The following ANK3 variants were observed in gnomAD, a reference collection of about 807,000 sequenced individuals.
The protein encoded by ANK3 is ankyrin 3, also known as ankyrin-3.
In ANK3, 57 loss-of-function variants were observed where a neutral mutation model predicts 370.9. That is an observed-to-expected ratio of 0.15 (90% CI 0.12 to 0.19). ANK3 has a LOEUF of 0.19. ANK3 is among the 10% of genes least tolerant of loss of function. The pLI, the probability that ANK3 is intolerant of heterozygous loss-of-function variation, is 1.00. For missense variants in ANK3, 4,439 were observed against 5,302.1 expected (o/e 0.84, Z 5.06); for synonymous variants, 1,929 against 1,946.3 (o/e 0.99, Z 0.23).
intron 2 of ANK3, among the ~76,000 whole-genome samples, chr10:60,411,119 G>A (rs909636221): frequency 2.0e-5 from 3 of 152,138 alleles, no homozygotes; most frequent in African/African-American, 7.2e-5. Context: ...AATAACTGCA[G>A]CCTCTACACC....
chr10:60,692,527 C>G (rs2079370552), intron 1 of ANK3, among the ~76,000 whole-genome samples: 1 of 152,300 alleles, frequency 6.6e-6, no homozygotes, highest in Admixed American at 6.5e-5. Context: ...ACACATTCTT[C>G]TCCTCTTGTC....
chr10:60,440,239 G>C (rs749648303), intron 2 of ANK3, among the ~76,000 whole-genome samples: 1 of 152,072 alleles, frequency 6.6e-6, no homozygotes, highest in Non-Finnish European at 1.5e-5. Flanking sequence ...GAAATGATCT[G>C]GGATAGAAGT....
intron 2 of ANK3, among the ~76,000 whole-genome samples, chr10:60,479,287 A>G (rs1428841837): frequency 6.6e-6 from 1 of 152,124 alleles, no homozygotes; most frequent in Non-Finnish European, 1.5e-5. Context: ...CTATGTTTAG[A>G]TAGATTTAGA....
intron 7 of ANK3, among the ~76,000 whole-genome samples, chr10:60,241,346 T>C (rs1353459283): frequency 1.3e-5 from 2 of 152,214 alleles, no homozygotes; most frequent in Non-Finnish European, 2.9e-5. Context: ...TGTAATTTTA[T>C]ATATATTAGT....
In ANK3 at chr10:60,074,309, G is replaced by C; in HGVS notation, c.6572C>G (p.Pro2191Arg). 6.2e-7 allele frequency: 1 copy of C among 1,614,066 alleles called. No individual in the cohort carries two copies. Among genetic ancestry groups the C allele is most frequent in the South Asian group, 1.1e-5 (1 of 91,064 alleles). ...AGTAGGTGAAGGTTTAGGTGACACA[G>C]GCTCCTCTGGTTGGGTCTGGGGAAC... ...GDVPQTQPEE[P>R]VSPKPSPTFM... is the part of the protein sequence containing the mutation. Residue 2191 changes from proline to arginine, a missense_variant, in exon 37 of 44, where the codon CCT becomes CGT. This residue lies in a region of ANK3 where 1,601 missense variants were observed against 1,731.7 expected (regional missense o/e 0.92). Coordinates refer to ENST00000280772, the MANE Select transcript of ANK3 (RefSeq NM_020987.5).
At position 60,166,672 on chromosome 10, in the gene ANK3, C is replaced by G. The variant is rs780779517; in HGVS notation, c.2552-19G>C. The G allele has an allele frequency of 4.8e-5, 77 of 1,611,814 alleles. No homozygotes were observed. The highest frequency in any genetic ancestry group is 6.4e-5 in the Non-Finnish European group (75 of 1,178,300). On this transcript the variant is annotated intron_variant, in intron 22 of 43. Transcript: ENST00000280772. ...TTACGAACTGCATGATTGAAGTGAA[C>G]AATATAAGTGGATGAAAAATACATA...
chr10:60,638,822 C>T (rs1310188094), intron 1 of ANK3, among the ~76,000 whole-genome samples: 1 of 151,968 alleles, frequency 6.6e-6, no homozygotes, highest in Non-Finnish European at 1.5e-5. Context: ...GACAGAAATA[C>T]ACATTATCCT....
At chr10:60,686,445 G>A (rs764265656) in intron 1 of ANK3, among the ~76,000 whole-genome samples, 1 of 152,136 alleles carries the variant, frequency 6.6e-6, no homozygotes, top group Non-Finnish European at 1.5e-5. Context: ...GTGGCATTTG[G>A]AGTGGGATGA....
intron 1 of ANK3, among the ~76,000 whole-genome samples, chr10:60,683,905 T>G (rs1413742680): frequency 6.6e-6 from 1 of 152,118 alleles, no homozygotes; most frequent in African/African-American, 2.4e-5. Context: ...GATGAACAGA[T>G]GGACAGACAG....
chr10:60,351,257 C>G (rs1202889168), intron 1 of ANK3, among the ~76,000 whole-genome samples: 1 of 152,140 alleles, frequency 6.6e-6, no homozygotes, highest in African/African-American at 2.4e-5. Context: ...GAGATTCAGA[C>G]TGGGAAAGTT....
intron 2 of ANK3, among the ~76,000 whole-genome samples, chr10:60,553,897 G>A (rs1257732028): frequency 6.6e-6 from 1 of 152,162 alleles, no homozygotes; most frequent in Non-Finnish European, 1.5e-5. Flanking sequence ...TACAGACTTG[G>A]AGTCCAAGGA....
At chr10:60,258,180 A>G (rs2097762633) in intron 7 of ANK3, among the ~76,000 whole-genome samples, 1 of 152,244 alleles carries the variant, frequency 6.6e-6, no homozygotes, top group Non-Finnish European at 1.5e-5. Context: ...ATTTGCAAAG[A>G]GAGCAAGGGT....
At chr10:60,036,226 C>CT (rs1313044841) in intron 43 of ANK3, among the ~76,000 whole-genome samples, 2 of 152,110 alleles carry the variant, frequency 1.3e-5, no homozygotes, top group Non-Finnish European at 2.9e-5. Flanking sequence ...TCAGACACTG[C>CT]TGTTCTCACT....
chr10:60,072,973 C>T lies in ANK3; in HGVS notation c.7908G>A (p.Leu2636=). ...PTSSSPEKVL[L]TELLASNDEW... ...CATCATTGGATGCCAGCAGTTCTGT[C>T]AGTAGCACTTTCTCAGGGCTGCTAC... is the stretch of plus-strand genomic sequence containing the variant. The change falls in exon 37 of 44, where the codon CTG becomes CTA. Residue 2636 remains leucine, a synonymous_variant. Transcript: ENST00000280772. 1 of 1,614,100 alleles carries T rather than the reference C, an allele frequency of 6.2e-7. No homozygotes were observed. Among genetic ancestry groups the T allele is most frequent in the Non-Finnish European group, 8.5e-7 (1 of 1,180,014 alleles).
At chr10:60,648,319 A>T (rs1588969628) in intron 1 of ANK3, among the ~76,000 whole-genome samples, 1 of 127,334 alleles carries the variant, frequency 7.9e-6, no homozygotes, top group Non-Finnish European at 1.6e-5. Flanking sequence ...TGCCCGGCTA[A>T]TTTTTTTTTT....
rs371478403 is a variant in ANK3, at chr10:60,447,694, T to G, written c.96+167492A>C. On this transcript the variant is annotated intron_variant, in intron 2 of 43. Coordinates refer to the ANK3 transcript ENST00000373827. ...TCCTGACCTTTATACCAAACTAGTCTCTTGCCCTCTACCTTATTCCTGTGA... is the reference window on the plus strand; with the variant it reads ...TCCTGACCTTTATACCAAACTAGTCGCTTGCCCTCTACCTTATTCCTGTGA... Among the ~76,000 whole-genome samples the G allele has an allele frequency of 6.8e-4, 103 of 152,262 alleles. 2 individuals are homozygous for G. The South Asian group carries it at 0.021, about 31-fold the overall frequency.
rs2078610733 is a variant in ANK3, at chr10:60,640,116, A to G, written c.58-24892T>C. 1.3e-5 allele frequency among the ~76,000 whole-genome samples: 2 copies of G among 152,148 alleles called. 1 individual carries two copies. Among genetic ancestry groups the G allele is most frequent in the South Asian group, 4.1e-4 (2 of 4,832 alleles). The stretch of plus-strand genomic sequence containing the variant: ...ATAAAGAATATTATCATCAGTAAAA[A>G]CAGGCATTTTATAATTGTGGCAATA... On this transcript the variant is annotated intron_variant, in intron 1 of 43. Transcript: ENST00000373827.
chr10:60,603,069 C>T (rs967675851), intron 2 of ANK3, among the ~76,000 whole-genome samples: 1 of 152,102 alleles, frequency 6.6e-6, no homozygotes, highest in African/African-American at 2.4e-5. Flanking sequence ...AAGGGCCCTA[C>T]TCAGCAAATG....
chr10:60,694,055 G>A (rs549361367), intron 1 of ANK3, among the ~76,000 whole-genome samples: 1 of 152,194 alleles, frequency 6.6e-6, no homozygotes, highest in South Asian at 2.1e-4. Context: ...AGTGCTTAAA[G>A]GAGCTGATGG....
Sources: gnomAD v4.1 joint callset for allele counts (sites outside exome capture counted in the v4.1 genomes callset) on GRCh38, gnomAD v4.1.1 for gene constraint, gnomAD v4.1.1 regional missense constraint, MANE v1.5 for transcripts, NCBI Gene and HGNC (gene_info 2026-07-23, HGNC 2026-07-21) for gene names.